Variants in CELF2 observed in about 807,000 individuals in gnomAD.
The protein encoded by CELF2 is CUGBP Elav-like family member 2.
A neutral mutation model predicts 62.6 loss-of-function variants in CELF2; 8 were observed. The observed-to-expected ratio is 0.13, with a 90% CI of 0.07 to 0.23. The LOEUF (loss-of-function observed/expected upper bound fraction) is 0.23. CELF2 is among the 10% of genes least tolerant of loss of function. The pLI is 1.00. For synonymous variants in CELF2, 258 were observed against 250.0 expected, an observed-to-expected ratio of 1.03 and a Z score of -0.30; for missense variants, 333 against 671.0, an observed-to-expected ratio of 0.50 and a Z score of 5.56.
chr10:10,463,056 T>A, the CELF2 span, among the ~76,000 whole-genome samples: 6 of 152,138 alleles, frequency 3.9e-5, no homozygotes, highest in Non-Finnish European at 8.8e-5. Flanking sequence ...GAATCCTAAT[T>A]GTCTTAGACT....
intron 1 of CELF2, among the ~76,000 whole-genome samples, chr10:10,822,592 C>A (rs954413050): frequency 3.3e-5 from 5 of 152,170 alleles, no homozygotes; most frequent in Non-Finnish European, 7.4e-5. Context: ...GTTTGAAGAA[C>A]CTCTGGGGAA....
chr10:10,533,599 A>G, the CELF2 span, among the ~76,000 whole-genome samples: 3 of 152,232 alleles, frequency 2.0e-5, no homozygotes, highest in Admixed American at 2.0e-4. Flanking sequence ...TCCAGTTTGA[A>G]TCTGGACTTT....
At chr10:10,804,152 A>G (rs777294203) in intron 1 of CELF2, among the ~76,000 whole-genome samples, 3 of 152,254 alleles carry the variant, frequency 2.0e-5, no homozygotes, top group Admixed American at 6.5e-5. Context: ...CAAGAGAATG[A>G]TCTGGAACAG....
intron 1 of CELF2, among the ~76,000 whole-genome samples, chr10:11,066,854 A>G (rs1467766482): frequency 2.0e-5 from 3 of 152,102 alleles, no homozygotes; most frequent in African/African-American, 7.2e-5. Context: ...TATTGAAGCA[A>G]GAACCCCAGC....
the CELF2 span, among the ~76,000 whole-genome samples, chr10:10,594,449 G>A: frequency 6.6e-6 from 1 of 152,170 alleles, no homozygotes; most frequent in South Asian, 2.1e-4. Flanking sequence ...GCGAAACTCT[G>A]GCCATCCCAT....
the CELF2 span, among the ~76,000 whole-genome samples, chr10:10,722,305 C>T: frequency 3.4e-4 from 51 of 151,764 alleles, no homozygotes; most frequent in African/African-American, 1.2e-3. Flanking sequence ...AAAGCAAAAC[C>T]GTCTTTCTAA....
chr10:10,635,872 C>T, the CELF2 span, among the ~76,000 whole-genome samples: 16 of 152,202 alleles, frequency 1.1e-4, no homozygotes, highest in Non-Finnish European at 1.8e-4. Flanking sequence ...TTCCTTAGTG[C>T]TTGCTGTGGC....
chr10:11,217,358 C>T lies in CELF2; in HGVS notation c.272-67C>T. The T allele has an allele frequency of 2.8e-6, 3 of 1,073,686 alleles. No homozygotes were observed. The highest frequency in any genetic ancestry group is 1.4e-5 in the South Asian group (1 of 72,906). The allele number at this position is 1,073,686 out of a possible 1,614,324, so 66.5% of individuals were successfully genotyped here. A position where few individuals can be genotyped will look rare whatever the true frequency, so the allele number is the denominator to read the frequency against. On this transcript the variant is annotated intron_variant, in intron 2 of 12. Transcript: ENST00000633077. The surrounding 1 kb of genome is among the most constrained non-coding windows in gnomAD (Gnocchi z 5.6). ...TTTTAAGTAGATTGTTTGTTCGCCA[C>T]AGTCTCCATTATATCTAAGCAAAGC...
chr10:11,202,619 C>T (rs1033612746), intron 2 of CELF2, among the ~76,000 whole-genome samples: 8 of 152,204 alleles, frequency 5.3e-5, no homozygotes, highest in Non-Finnish European at 1.0e-4. Flanking sequence ...AAGACTTGCT[C>T]TCACTAACAT....
intron 2 of CELF2, among the ~76,000 whole-genome samples, chr10:11,202,294 T>C (rs530129775): frequency 3.3e-5 from 5 of 152,198 alleles, no homozygotes; most frequent in Non-Finnish European, 7.3e-5. Flanking sequence ...ACCTACCACC[T>C]TGGAAATGAA....
upstream of CELF2, among the ~76,000 whole-genome samples, chr10:10,797,717 A>G (rs939875122): frequency 2.0e-5 from 3 of 152,216 alleles, no homozygotes; most frequent in Admixed American, 2.0e-4. Context: ...TCCTGAGGGC[A>G]GGAGGAAGAG....
chr10:10,677,077 C>G, the CELF2 span, among the ~76,000 whole-genome samples: 2 of 152,144 alleles, frequency 1.3e-5, no homozygotes, highest in Non-Finnish European at 2.9e-5. Context: ...TTTTACTTGA[C>G]AGCTGTAAAA....
the CELF2 span, among the ~76,000 whole-genome samples, chr10:10,569,409 T>C: frequency 6.6e-6 from 1 of 152,106 alleles, no homozygotes; most frequent in Non-Finnish European, 1.5e-5. Context: ...GAGAAAAGTA[T>C]GGAGGAAATG....
At chr10:10,696,837 C>T in the CELF2 span, among the ~76,000 whole-genome samples, 39 of 152,334 alleles carry the variant, frequency 2.6e-4, no homozygotes, top group East Asian at 1.2e-3. Flanking sequence ...TGCCCTGCTT[C>T]GGCTAGCGCA....
chr10:10,863,064 A>G (rs1231201272), intron 1 of CELF2, among the ~76,000 whole-genome samples: 1 of 152,212 alleles, frequency 6.6e-6, no homozygotes, highest in East Asian at 1.9e-4. Context: ...TGATTCCACC[A>G]GTTGTGCTAA....
At chr10:11,082,549 A>G (rs569689313) in intron 1 of CELF2, among the ~76,000 whole-genome samples, 21 of 152,336 alleles carry the variant, frequency 1.4e-4, no homozygotes, top group Admixed American at 2.0e-4. Context: ...GAGAGTAACT[A>G]TGTAAATCAC....
rs1309451285 is a variant in CELF2 at position 11,331,942 on chromosome 10, T to TGCATCTATCCTCTAAGTTGTTTCG, written c.*2891_*2914dup. ...TGTTTCCAATTTGGATTTTTTTCCC[T>TGCATCTATCCTCTAAGTTGTTTCG]GCATCTATCCTCTAAGTTGTTTCGG... On this transcript the variant is annotated 3_prime_UTR_variant, in exon 13 of 13. Coordinates refer to ENST00000633077, the MANE Select transcript of CELF2 (RefSeq NM_001326342.2). The TGCATCTATCCTCTAAGTTGTTTCG allele has an allele frequency of 6.6e-6, 1 of 152,386 alleles. No individual in the cohort carries two copies. The highest frequency in any genetic ancestry group is 1.5e-5 in the Non-Finnish European group (1 of 68,042). The allele number at this position is 152,386 out of a possible 1,614,324, so 9.4% of individuals were successfully genotyped here.
chr10:10,826,455 A>G (rs6602455), intron 1 of CELF2, among the ~76,000 whole-genome samples: 106,088 of 152,162 alleles, frequency 0.7, 37,102 homozygotes, highest in East Asian at 0.78. Context: ...TAAGCAATAA[A>G]TAATTACTGA....
intron 1 of CELF2, among the ~76,000 whole-genome samples, chr10:10,898,032 A>G (rs776567354): frequency 6.6e-5 from 10 of 152,192 alleles, no homozygotes; most frequent in Non-Finnish European, 1.5e-4. Context: ...AGAGAATATT[A>G]TCTGGCCCTA....
Sources: allele counts gnomAD v4.1 joint callset (sites outside exome capture counted in the v4.1 genomes callset), GRCh38; gene constraint gnomAD v4.1.1; non-coding constraint Gnocchi (gnomAD v3.1); transcripts MANE v1.5; gene names NCBI Gene and HGNC (gene_info 2026-07-23, HGNC 2026-07-21).